Variants in IFT172 observed in about 807,000 individuals in gnomAD.
The protein encoded by IFT172 is intraflagellar transport protein 172 homolog.
IFT172 carries 164 observed loss-of-function variants against 248.9 expected under a neutral mutation model. The observed-to-expected ratio is 0.66, with a 90% confidence interval of 0.58 to 0.75. The LOEUF (loss-of-function observed/expected upper bound fraction) is 0.75. Among genes scored for constraint, IFT172 ranks in the 30% least tolerant of loss-of-function variants. The pLI is 0.00. For synonymous variants in IFT172, 729 were observed against 791.6 expected, an observed-to-expected ratio of 0.92 and a Z score of 1.33; for missense variants, 1,950 against 2,192.4, an observed-to-expected ratio of 0.89 and a Z score of 2.21.
chr2:27,485,279 G>A (rs1668676611), intron 2 of IFT172, 81 bp downstream of exon 2: 2 of 1,594,710 alleles, frequency 1.3e-6, no homozygotes, highest in East Asian at 2.2e-5. Context: ...CTATGCTGAT[G>A]GCTAGAAGGC....
rs571220836 is a variant in IFT172 at position 27,447,546 on chromosome 2, G to A, written c.4628C>T (p.Thr1543Met). 1,387 of 1,614,130 alleles carry A rather than the reference G, an allele frequency of 8.6e-4. 17 individuals are homozygous for A. In the South Asian group the frequency reaches 0.014, roughly 16 times the overall value. Residue 1543 changes from threonine to methionine, a missense_variant, in exon 42 of 48, where the codon ACG (threonine) becomes ATG (methionine). Physicochemically the swap from Thr to Met is moderately conservative, Grantham distance 81. Coordinates refer to ENST00000260570, the MANE Select transcript of IFT172 (RefSeq NM_015662.3). ...TMLLIAHYYA[T>M]RSAAQSVKQL... ...TTTGACACTCTGGGCTGCAGAGCGC[G>A]TGGCATAGTAATGAGCGATCAGCAG... is the stretch of plus-strand genomic sequence containing the variant.
chr2:27,464,925 A>ATTTTT (rs576114900), intron 18 of IFT172, among the ~76,000 whole-genome samples: 1 of 142,240 alleles, frequency 7.0e-6, no homozygotes, highest in Non-Finnish European at 1.5e-5. Flanking sequence ...GCCAAGACAT[A>ATTTTT]TTTTTTTTTT....
intron 16 of IFT172, among the ~76,000 whole-genome samples, chr2:27,468,395 G>C (rs1388695958): frequency 6.6e-6 from 1 of 151,564 alleles, no homozygotes; most frequent in East Asian, 2.0e-4. Flanking sequence ...ACCATGCCCA[G>C]GTAATTTTTG....
At chr2:27,471,430 G>A (rs1263295709) in intron 15 of IFT172, among the ~76,000 whole-genome samples, 1 of 152,192 alleles carries the variant, frequency 6.6e-6, no homozygotes, top group African/African-American at 2.4e-5. Flanking sequence ...AATTTGTGAT[G>A]TGGCTTTCAC....
intron 16 of IFT172, 179 bp downstream of exon 16, chr2:27,470,749 C>T: frequency 1.8e-6 from 1 of 548,610 alleles, no homozygotes; most frequent in Non-Finnish European, 3.0e-6. Flanking sequence ...AATATAATGT[C>T]AGGAATCTGA....
At chr2:27,459,124 T>C (rs1666423256) in intron 25 of IFT172, 1 of 620,708 alleles carries the variant, frequency 1.6e-6, no homozygotes, top group Non-Finnish European at 2.7e-6. Context: ...TATGTTAGCA[T>C]TATTCATGAA....
chr2:27,479,461 G>T, intron 10 of IFT172, 48 bp downstream of exon 10: 1 of 1,020,958 alleles, frequency 9.8e-7, no homozygotes. Context: ...TTATAAGGAG[G>T]AATGAGCCAC....
At chr2:27,460,974 G>A (rs745555030) in intron 23 of IFT172, 41 bp downstream of exon 23, 1 of 1,613,098 alleles carries the variant, frequency 6.2e-7, no homozygotes, top group South Asian at 1.1e-5. Flanking sequence ...AGATGGGCAA[G>A]AGTCCACAAC....
intron 15 of IFT172, 79 bp from the exon 16 acceptor site, chr2:27,471,174 T>C: frequency 7.2e-7 from 1 of 1,391,880 alleles, no homozygotes; most frequent in Middle Eastern, 2.1e-4. Context: ...TTCCTAATGG[T>C]GAGATGTGGT....
intron 18 of IFT172, among the ~76,000 whole-genome samples, chr2:27,464,681 T>C (rs1302660213): frequency 6.6e-6 from 1 of 151,944 alleles, no homozygotes; most frequent in East Asian, 1.9e-4. Context: ...TGCAGTTGCA[T>C]GATCTCAGCT....
intron 1 of IFT172, among the ~76,000 whole-genome samples, chr2:27,487,718 G>A (rs569390276): frequency 3.3e-5 from 5 of 151,330 alleles, no homozygotes; most frequent in South Asian, 2.1e-4. Flanking sequence ...TCAGCCTCCC[G>A]AGTAGCTGGG....
chr2:27,469,359 C>T (rs1022554720), intron 16 of IFT172, among the ~76,000 whole-genome samples: 3 of 152,050 alleles, frequency 2.0e-5, no homozygotes, highest in African/African-American at 7.2e-5. Context: ...TGCCACTGTA[C>T]GCCAGCCTGG....
Position 27,484,230 on chromosome 2 carries a change from C to T in IFT172, c.333G>A (p.Gln111=). 2 of 1,614,048 alleles carry T rather than the reference C, an allele frequency of 1.2e-6. No individual in the cohort carries two copies. Among genetic ancestry groups the T allele is most frequent in the East Asian group, 2.2e-5 (1 of 44,882 alleles). Residue 111 remains glutamine, a synonymous_variant, in exon 4 of 48, where the codon CAG becomes CAA. Coordinates refer to ENST00000260570, the MANE Select transcript of IFT172 (RefSeq NM_015662.3). The stretch of plus-strand genomic sequence containing the variant: ...CAGGGACTGGTCTGAACTTTACCGT[C>T]TGGATGAACTTGTTGCAGATGACTT... ...DKKVICNKFI[Q]TSAVTCLQWP...
At chr2:27,464,925 A>G (rs1433675743) in intron 18 of IFT172, among the ~76,000 whole-genome samples, 2 of 142,240 alleles carry the variant, frequency 1.4e-5, no homozygotes, top group Non-Finnish European at 3.1e-5. Context: ...GCCAAGACAT[A>G]TTTTTTTTTT....
rs911911164 is a variant in IFT172 at position 27,485,290 on chromosome 2, A to G, written c.183+70T>C. On this transcript the variant is annotated intron_variant, in intron 2 of 47. Coordinates refer to ENST00000260570, the MANE Select transcript of IFT172 (RefSeq NM_015662.3). ...TTTCCTATGCTGATGGCTAGAAGGC[A>G]GACTACGTCTTTCAAGTTGTGAGAC... The G allele has an allele frequency of 3.7e-6, 6 of 1,602,958 alleles. No homozygotes were observed. The African/African-American group carries it at 5.3e-5, about 14-fold the overall frequency.
intron 43 of IFT172, 61 bp downstream of exon 43, chr2:27,446,199 A>G (rs1283371601): frequency 6.6e-7 from 1 of 1,521,842 alleles, no homozygotes; most frequent in Non-Finnish European, 9.1e-7. Context: ...CAGAAGGGAT[A>G]TTCTATTTTC....
At chr2:27,470,340 C>A (rs1213934250) in intron 16 of IFT172, among the ~76,000 whole-genome samples, 1 of 151,594 alleles carries the variant, frequency 6.6e-6, no homozygotes, top group Non-Finnish European at 1.5e-5. Flanking sequence ...AAAGAAAGAA[C>A]TAAACAAATA....
At chr2:27,481,023 A>G (rs1411986045) in intron 8 of IFT172, 23 bp downstream of exon 8, 1 of 1,586,982 alleles carries the variant, frequency 6.3e-7, no homozygotes, top group African/African-American at 1.3e-5. Flanking sequence ...TAGGCAGTAG[A>G]TAAAACTGGA....
chr2:27,458,663 G>T (rs1572753548), intron 26 of IFT172, 116 bp downstream of exon 26: 14 of 1,180,360 alleles, frequency 1.2e-5, no homozygotes, highest in Admixed American at 7.3e-5. Flanking sequence ...ACTGTTTTTT[G>T]GTACTCTTTG....
Sources: allele counts gnomAD v4.1 joint callset (sites outside exome capture counted in the v4.1 genomes callset), GRCh38; gene constraint gnomAD v4.1.1; transcripts MANE v1.5; gene names NCBI Gene and HGNC (gene_info 2026-07-23, HGNC 2026-07-21).